UHRF2: variants seen among roughly 807,000 people sequenced by gnomAD.
UHRF2 encodes ubiquitin like with PHD and ring finger domains 2.
Under a neutral mutation model 96.8 loss-of-function variants are expected in UHRF2, and 23 were observed. The ratio of observed to expected loss-of-function variants is 0.24; its 90% CI spans 0.17 to 0.34. The LOEUF is 0.34. Ranked by LOEUF, UHRF2 falls within the 10% of genes least tolerant of loss-of-function variation. The pLI is 1.00. For synonymous variants in UHRF2, 385 were observed against 332.6 expected (o/e 1.16, Z -1.72); for missense variants, 685 against 981.5 (o/e 0.70, Z 4.04).
intron 6 of UHRF2, among the ~76,000 whole-genome samples, chr9:6,479,149 C>G (rs781507233): frequency 1.3e-5 from 2 of 152,138 alleles, no homozygotes; most frequent in African/African-American, 4.8e-5. Context: ...CTGCCTACCC[C>G]GTTCTCTGCT....
At position 6,413,512 on chromosome 9, in the gene UHRF2, A is replaced by G. The variant is rs1173928911; in HGVS notation, c.22A>G (p.Ile8Val). The stretch of plus-strand genomic sequence containing the variant: ...CAAGATGTGGATACAGGTTCGCACC[A>G]TTGATGGCTCCAAGACGTGCACCAT... MWIQVRT[I>V]DGSKTCTIED... Residue 8 changes from isoleucine (I) to valine (V), a missense_variant, in exon 1 of 16, where the codon ATT becomes GTT. By Grantham distance (29) the Ile-to-Val change is conservative (BLOSUM62 3). Coordinates refer to ENST00000276893, the MANE Select transcript of UHRF2 (RefSeq NM_152896.3). 3.2e-6 allele frequency: 5 copies of G among 1,583,160 alleles called. No homozygotes were observed. Among genetic ancestry groups the G allele is most frequent in the Non-Finnish European group, 2.6e-6 (3 of 1,165,908 alleles).
chr9:6,426,482 A>T (rs1319249753), intron 2 of UHRF2, among the ~76,000 whole-genome samples: 2 of 152,220 alleles, frequency 1.3e-5, no homozygotes, highest in South Asian at 2.1e-4. Flanking sequence ...GAGCTGTTTA[A>T]TCTTAGTTGA....
intron 4 of UHRF2, among the ~76,000 whole-genome samples, chr9:6,461,450 G>A (rs1323719979): frequency 6.9e-6 from 1 of 145,016 alleles, no homozygotes; most frequent in Non-Finnish European, 1.5e-5. Context: ...TTGGCTCACT[G>A]TAACCTCTGC....
Position 6,504,589 on chromosome 9 carries a change from C to T in UHRF2, c.2164-4C>T, listed in dbSNP as rs1157233140. ...TCTTTCCTTATCCTTGGATACTGTT[C>T]TAGAATTTTCTGAAAAAATTGGAAC... is the stretch of plus-strand genomic sequence containing the variant. On this transcript the variant is annotated splice_polypyrimidine_tract_variant and splice_region_variant and intron_variant, in intron 14 of 15. Transcript: ENST00000276893. The T allele has an allele frequency of 6.2e-7, 1 of 1,610,012 alleles. No homozygotes were observed.
At chr9:6,438,027 C>A (rs1467608588) in intron 3 of UHRF2, among the ~76,000 whole-genome samples, 1 of 152,142 alleles carries the variant, frequency 6.6e-6, no homozygotes, top group Non-Finnish European at 1.5e-5. Context: ...AAAACAATAC[C>A]ATCAGGACCT....
At chr9:6,451,597 C>T (rs1372933081) in intron 3 of UHRF2, among the ~76,000 whole-genome samples, 2 of 151,844 alleles carry the variant, frequency 1.3e-5, no homozygotes, top group Non-Finnish European at 2.9e-5. Context: ...CCTGCCTCAG[C>T]CTCCCGAGTA....
intron 14 of UHRF2, 151 bp from the exon 15 acceptor site, chr9:6,504,442 T>C: frequency 1.9e-6 from 1 of 536,910 alleles, no homozygotes. Flanking sequence ...TAAATCAGGG[T>C]AATTGGAATG....
intron 8 of UHRF2, among the ~76,000 whole-genome samples, chr9:6,485,218 T>C (rs1300097432): frequency 6.6e-6 from 1 of 152,242 alleles, no homozygotes; most frequent in African/African-American, 2.4e-5. Context: ...ATTATGACTT[T>C]GGATCTATAA....
rs767522047 is a variant in UHRF2, at chr9:6,499,929, A to G, written c.2003A>G (p.Asp668Gly). 1 of 1,602,734 alleles carries G rather than the reference A, an allele frequency of 6.2e-7. No individual in the cohort carries two copies. The highest frequency in any genetic ancestry group is 8.5e-7 in the Non-Finnish European group (1 of 1,171,562). Residue 668 changes from aspartate to glycine, a missense_variant and splice_region_variant, in exon 13 of 16, where the codon GAT (aspartate) becomes GGT (glycine). This residue lies in a region of UHRF2 where 99 missense variants were observed against 73.5 expected (regional missense o/e 1.35). Transcript: ENST00000276893. ...PSGTTKRPIS[D>G]DDCPSASKVY... ...GGAACCACAAAAAGGCCAATTTCAG[A>G]TGGTAGGTAATGATTGCAAAATATA...
At chr9:6,502,796 A>T (rs958747994) in intron 14 of UHRF2, among the ~76,000 whole-genome samples, 3 of 152,214 alleles carry the variant, frequency 2.0e-5, no homozygotes, top group Admixed American at 6.5e-5. Context: ...TCATTAACAA[A>T]GGTGTTTGTT....
intron 2 of UHRF2, among the ~76,000 whole-genome samples, chr9:6,428,072 G>A (rs1457071230): frequency 6.6e-6 from 1 of 152,178 alleles, no homozygotes; most frequent in African/African-American, 2.4e-5. Context: ...ATGATGGTAA[G>A]CCTTTACAGT....
chr9:6,504,717 C>G, intron 15 of UHRF2, 26 bp downstream of exon 15: 1 of 1,567,400 alleles, frequency 6.4e-7, no homozygotes, highest in Admixed American at 1.7e-5. Flanking sequence ...TCCTCACTTT[C>G]CCTGTTAGGT....
chr9:6,422,169 T>C (rs973768058), intron 2 of UHRF2, among the ~76,000 whole-genome samples: 1 of 152,176 alleles, frequency 6.6e-6, no homozygotes, highest in African/African-American at 2.4e-5. Flanking sequence ...ATTGGTCTGT[T>C]TGTCTATCTG....
chr9:6,454,356 A>G (rs1822057902), intron 3 of UHRF2, among the ~76,000 whole-genome samples: 1 of 152,234 alleles, frequency 6.6e-6, no homozygotes, highest in South Asian at 2.1e-4. Context: ...GGTTTGAATT[A>G]GGAAAGATGA....
chr9:6,484,357 T>A (rs1327533199), intron 8 of UHRF2, among the ~76,000 whole-genome samples: 1 of 151,858 alleles, frequency 6.6e-6, no homozygotes, highest in Admixed American at 6.6e-5. Context: ...ATTATAGGCT[T>A]AGTGGCGGCG....
intron 9 of UHRF2, 74 bp from the exon 10 acceptor site, chr9:6,493,752 T>C: frequency 7.7e-7 from 1 of 1,307,070 alleles, no homozygotes; most frequent in Non-Finnish European, 1.1e-6. Flanking sequence ...ATGAAATGTT[T>C]TGACTCTGAA....
At chr9:6,480,212 G>T (rs1316626433) in intron 6 of UHRF2, among the ~76,000 whole-genome samples, 1 of 152,154 alleles carries the variant, frequency 6.6e-6, no homozygotes, top group Non-Finnish European at 1.5e-5. Flanking sequence ...TGCCAGGAAT[G>T]CTTTTCTTAG....
intron 5 of UHRF2, among the ~76,000 whole-genome samples, chr9:6,477,386 C>CGTG (rs1180325226): frequency 1.3e-5 from 2 of 150,688 alleles, no homozygotes; most frequent in African/African-American, 4.9e-5. Flanking sequence ...ATTAGCCAGG[C>CGTG]GTGGTGGCAC....
At chr9:6,440,334 A>G (rs1041408135) in intron 3 of UHRF2, among the ~76,000 whole-genome samples, 1 of 152,224 alleles carries the variant, frequency 6.6e-6, no homozygotes, top group Non-Finnish European at 1.5e-5. Context: ...TAGCATGATT[A>G]TAATGTTAGC....
Sources: allele counts gnomAD v4.1 joint callset (sites outside exome capture counted in the v4.1 genomes callset), GRCh38; gene constraint gnomAD v4.1.1; regional missense constraint gnomAD v4.1.1; transcripts MANE v1.5; gene names NCBI Gene and HGNC (gene_info 2026-07-23, HGNC 2026-07-21).